MDFIC: variants seen among roughly 807,000 people sequenced by gnomAD.
MDFIC encodes the protein myoD family inhibitor domain-containing protein.
A neutral mutation model predicts 23.2 loss-of-function variants in MDFIC; 17 were observed. The ratio of observed to expected loss-of-function variants is 0.73; its 90% CI spans 0.50 to 1.10. The LOEUF is 1.10. Ranked by LOEUF, MDFIC falls within the 50% of genes least tolerant of loss-of-function variation. The pLI is 0.00. For synonymous variants in MDFIC, 120 were observed against 115.2 expected (o/e 1.04, Z -0.27); for missense variants, 356 against 316.6 (o/e 1.12, Z -0.95).
intron 3 of MDFIC, among the ~76,000 whole-genome samples, chr7:114,969,626 A>G (rs969199611): frequency 1.3e-5 from 2 of 152,202 alleles, no homozygotes; most frequent in Non-Finnish European, 2.9e-5. Flanking sequence ...CTATACTGCT[A>G]CCAGAAGAAA....
At chr7:114,976,908 A>G (rs1018129635) in intron 3 of MDFIC, among the ~76,000 whole-genome samples, 1 of 152,108 alleles carries the variant, frequency 6.6e-6, no homozygotes, top group East Asian at 1.9e-4. Context: ...CAAAGATAAT[A>G]AGTCCTCTTT....
chr7:115,006,244 G>A (rs1178512702), intron 4 of MDFIC, among the ~76,000 whole-genome samples: 5 of 152,176 alleles, frequency 3.3e-5, no homozygotes. Flanking sequence ...CTGGTCAAGT[G>A]CCTGGAGAAT....
At chr7:114,961,355 T>C (rs1419758717) in intron 3 of MDFIC, among the ~76,000 whole-genome samples, 2 of 152,146 alleles carry the variant, frequency 1.3e-5, no homozygotes, top group African/African-American at 2.4e-5. Context: ...TAATCTTACC[T>C]CCTCCTGGTT....
chr7:114,941,221 T>C (rs1455180619), intron 2 of MDFIC, among the ~76,000 whole-genome samples: 2 of 152,240 alleles, frequency 1.3e-5, no homozygotes, highest in African/African-American at 4.8e-5. Context: ...ACAAATTTAT[T>C]AATCTTCCTA....
At chr7:115,014,789 C>A (rs1791760977) in intron 4 of MDFIC, among the ~76,000 whole-genome samples, 1 of 152,014 alleles carries the variant, frequency 6.6e-6, no homozygotes, top group Non-Finnish European at 1.5e-5. Flanking sequence ...CTCTCACTTG[C>A]CCCAGAATTA....
Position 114,923,484 on chromosome 7 carries a change from C to T in MDFIC, c.94+357C>T, listed in dbSNP as rs139790140. The T allele has an allele frequency of 6.8e-3, 10,408 of 1,537,760 alleles. 38 individuals carry two copies. Among genetic ancestry groups the T allele is most frequent in the Non-Finnish European group, 8.3e-3 (9,508 of 1,146,996 alleles). ...GTCTCTTCAGCAGATCCAGGACTGCCGCAGCTCTCTGAACAAGCGTGCACT... is the reference window on the plus strand; with the variant it reads ...GTCTCTTCAGCAGATCCAGGACTGCTGCAGCTCTCTGAACAAGCGTGCACT... On this transcript the variant is annotated intron_variant, in intron 2 of 4. Coordinates refer to ENST00000393486, the MANE Select transcript of MDFIC (RefSeq NM_001166345.3).
intron 3 of MDFIC, among the ~76,000 whole-genome samples, chr7:114,943,302 G>C (rs1463841740): frequency 6.6e-6 from 1 of 151,978 alleles, no homozygotes; most frequent in East Asian, 1.9e-4. Context: ...TTGAAACTTA[G>C]AACATTTCTT....
chr7:115,001,564 CAGG>C (rs1379409051), intron 4 of MDFIC, among the ~76,000 whole-genome samples: 1 of 152,054 alleles, frequency 6.6e-6, no homozygotes, highest in Non-Finnish European at 1.5e-5. Context: ...TGTGGAGTGA[CAGG>C]AGAAGCTAAA....
At chr7:114,953,872 C>G (rs761003999) in intron 3 of MDFIC, among the ~76,000 whole-genome samples, 1 of 152,058 alleles carries the variant, frequency 6.6e-6, no homozygotes, top group Non-Finnish European at 1.5e-5. Flanking sequence ...ACTATATTGT[C>G]TAGGGAATAA....
chr7:114,982,346 A>G (rs1793432001), intron 4 of MDFIC, among the ~76,000 whole-genome samples: 4 of 152,064 alleles, frequency 2.6e-5, no homozygotes, highest in African/African-American at 7.2e-5. Context: ...AAGAATGGGG[A>G]GATTTAGTGG....
intron 2 of MDFIC, among the ~76,000 whole-genome samples, chr7:114,939,995 A>G (rs1384528012): frequency 6.6e-6 from 1 of 152,144 alleles, no homozygotes; most frequent in Non-Finnish European, 1.5e-5. Flanking sequence ...AATCTCTTTT[A>G]TTGATAATCT....
At chr7:115,010,095 C>G (rs760050229) in intron 4 of MDFIC, among the ~76,000 whole-genome samples, 1 of 152,130 alleles carries the variant, frequency 6.6e-6, no homozygotes, top group African/African-American at 2.4e-5. Context: ...TGATTCCTGA[C>G]TGCAAGCCAC....
intron 3 of MDFIC, among the ~76,000 whole-genome samples, chr7:114,967,877 A>G (rs1284444746): frequency 7.1e-6 from 1 of 141,642 alleles, no homozygotes; most frequent in African/African-American, 2.7e-5. Context: ...TTTGTTGGCC[A>G]GGCTGGAGTG....
chr7:114,973,030 T>A (rs1401563883), intron 3 of MDFIC, among the ~76,000 whole-genome samples: 2 of 151,952 alleles, frequency 1.3e-5, no homozygotes, highest in African/African-American at 4.8e-5. Context: ...CATTTAAACA[T>A]TTCCTTCTTG....
intron 3 of MDFIC, among the ~76,000 whole-genome samples, chr7:114,953,800 A>C (rs543621863): frequency 1.3e-5 from 2 of 152,194 alleles, no homozygotes; most frequent in Non-Finnish European, 2.9e-5. Flanking sequence ...ATATACTTTA[A>C]ATTGTCTCTA....
intron 3 of MDFIC, among the ~76,000 whole-genome samples, chr7:114,971,747 T>G (rs1331563813): frequency 6.6e-6 from 1 of 152,154 alleles, no homozygotes; most frequent in African/African-American, 2.4e-5. Flanking sequence ...TTTTTCTTCA[T>G]TGGTTTACTA....
chr7:114,949,218 A>T (rs1027091479), intron 3 of MDFIC, among the ~76,000 whole-genome samples: 8 of 152,052 alleles, frequency 5.3e-5, no homozygotes, highest in African/African-American at 1.9e-4. Flanking sequence ...TCTTCCTGTT[A>T]TTCCTAAATT....
chr7:115,019,836 A>G lies in MDFIC; in HGVS notation c.*3901A>G, dbSNP rs1038923969. 1.3e-5 allele frequency among the ~76,000 whole-genome samples: 2 copies of G among 152,146 alleles called. No homozygotes were observed. Among genetic ancestry groups the G allele is most frequent in the Non-Finnish European group, 1.5e-5 (1 of 68,004 alleles). On this transcript the variant is annotated 3_prime_UTR_variant, in exon 5 of 5. Coordinates refer to ENST00000393486, the MANE Select transcript of MDFIC (RefSeq NM_001166345.3). ...TCCACACTTACTATTTATAGTTTTT[A>G]TAATCAAGCATTGGGTATTAAAAGA...
intron 3 of MDFIC, among the ~76,000 whole-genome samples, chr7:114,946,186 G>A (rs1257711180): frequency 6.6e-6 from 1 of 151,830 alleles, no homozygotes; most frequent in Non-Finnish European, 1.5e-5. Context: ...GCAACATTTT[G>A]ATCTCAGTCT....
Sources: gnomAD v4.1 joint callset for allele counts (sites outside exome capture counted in the v4.1 genomes callset) on GRCh38, gnomAD v4.1.1 for gene constraint, MANE v1.5 for transcripts, NCBI Gene and HGNC (gene_info 2026-07-23, HGNC 2026-07-21) for gene names.